CHD1L: variants seen among roughly 807,000 people sequenced by gnomAD.
CHD1L encodes the protein ATP-dependent chromatin remodeler CHD1L.
CHD1L carries 118 observed loss-of-function variants against 115.9 expected under a neutral mutation model. The ratio of observed to expected loss-of-function variants is 1.02; its 90% CI spans 0.88 to 1.19. CHD1L has a LOEUF of 1.19. CHD1L is among the 50% of genes most tolerant of loss of function. CHD1L has a pLI of 0.00. For synonymous variants in CHD1L, 411 were observed against 387.1 expected (o/e 1.06, Z -0.72); for missense variants, 1,179 against 1,065.3 (o/e 1.11, Z -1.49).
chr1:147,294,611 T>G, intron 22 of CHD1L, 94 bp downstream of exon 22: 1 of 905,966 alleles, frequency 1.1e-6, no homozygotes, highest in Non-Finnish European at 1.7e-6. Flanking sequence ...AGACCAAGTT[T>G]CTTCCTGCCA....
chr1:147,188,702 A>G, the CHD1L span, among the ~76,000 whole-genome samples: 3 of 151,488 alleles, frequency 2.0e-5, no homozygotes, highest in African/African-American at 7.3e-5. Flanking sequence ...CGTTGTACAC[A>G]TGTACCCTAG....
intron 20 of CHD1L, among the ~76,000 whole-genome samples, chr1:147,293,284 C>T (rs1686262506): frequency 6.6e-6 from 1 of 150,514 alleles, no homozygotes; most frequent in Non-Finnish European, 1.5e-5. Flanking sequence ...AAGATCTTTT[C>T]CATGCCTACA....
chr1:147,288,336 A>G (rs199802890), intron 19 of CHD1L, among the ~76,000 whole-genome samples: 7 of 1,304 alleles, frequency 5.4e-3, no homozygotes, highest in African/African-American at 7.1e-3. Context: ...AAAAAAAAAA[A>G]AAAAAAAAAA....
At chr1:147,278,222 GTTTTTTTTT>G (rs71083825) in intron 14 of CHD1L, among the ~76,000 whole-genome samples, 14 of 91,130 alleles carry the variant, frequency 1.5e-4, no homozygotes, top group Non-Finnish European at 1.5e-4. Context: ...TGTTTTTTGG[GTTTTTTTTT>G]TTTTTTTTTT....
the CHD1L span, among the ~76,000 whole-genome samples, chr1:147,180,464 G>C: frequency 1.3e-5 from 2 of 152,070 alleles, no homozygotes; most frequent in Non-Finnish European, 2.9e-5. Flanking sequence ...GTCAATCTTT[G>C]TACTTTTTAG....
chr1:147,207,833 C>T, the CHD1L span, among the ~76,000 whole-genome samples: 1 of 152,186 alleles, frequency 6.6e-6, no homozygotes, highest in East Asian at 1.9e-4. Context: ...AGTATGTGTG[C>T]CCCTCCCCTG....
At position 147,267,561 on chromosome 1, in the gene CHD1L, T is replaced by C. The variant is rs587747495; in HGVS notation, c.988+43T>C. 10 of 1,476,708 alleles carry C rather than the reference T, an allele frequency of 6.8e-6. No individual in the cohort carries two copies. The African/African-American group carries it at 1.3e-4, about 19-fold the overall frequency. The allele number at this position is 1,476,708 out of a possible 1,614,324, so 91.5% of individuals were successfully genotyped here. ...CCCCCCACATTATTCTTTGGTAATGTTTCTGTGGCCAAATCATACCAAAAT... is the reference window on the plus strand; with the variant it reads ...CCCCCCACATTATTCTTTGGTAATGCTTCTGTGGCCAAATCATACCAAAAT... On this transcript the variant is annotated intron_variant, in intron 9 of 22. Transcript: ENST00000369258.
the CHD1L span, chr1:147,179,556 C>T: frequency 1.2e-5 from 19 of 1,582,170 alleles, no homozygotes; most frequent in Admixed American, 5.0e-5. Context: ...CTATCTACAA[C>T]GAGAAGCTAC....
chr1:147,276,208 G>A lies in CHD1L; in HGVS notation c.1490G>A (p.Gly497Asp), dbSNP rs149130696. Residue 497 changes from glycine to aspartate, a missense_variant, in exon 14 of 23, where the codon GGC becomes GAC. Physicochemically the swap from Gly to Asp is moderately conservative, Grantham distance 94 (BLOSUM62 -1). Coordinates refer to ENST00000369258, the MANE Select transcript of CHD1L (RefSeq NM_004284.6). ...LQLTNMIIEG[G>D]HFTLGAQKPA... Reference sequence around the variant, plus strand: ...CTCACCAACATGATCATAGAAGGAGGCCATTTTACTCTGGGAGCCCAGAAA... The same window carrying A: ...CTCACCAACATGATCATAGAAGGAGACCATTTTACTCTGGGAGCCCAGAAA... The A allele has an allele frequency of 1.2e-6, 2 of 1,614,002 alleles. No individual in the cohort carries two copies. The highest frequency in any genetic ancestry group is 1.7e-6 in the Non-Finnish European group (2 of 1,179,988).
intron 1 of CHD1L, 121 bp from the exon 2 acceptor site, chr1:147,252,502 G>A (rs587678293): frequency 1.3e-5 from 9 of 678,744 alleles, no homozygotes; most frequent in South Asian, 4.1e-5. Flanking sequence ...CAAAAGATAC[G>A]TCCAGTGAGG....
At chr1:147,272,343 C>A in intron 12 of CHD1L, 62 bp downstream of exon 12, 2 of 1,146,356 alleles carry the variant, frequency 1.7e-6, no homozygotes, top group Admixed American at 3.5e-5. Context: ...CTATTACATC[C>A]CAACGGTTAG....
At chr1:147,207,418 A>G in the CHD1L span, among the ~76,000 whole-genome samples, 82 of 152,340 alleles carry the variant, frequency 5.4e-4, no homozygotes, top group African/African-American at 1.9e-3. Flanking sequence ...GGGAAAATAA[A>G]TTTAAAATCA....
intron 6 of CHD1L, among the ~76,000 whole-genome samples, chr1:147,261,860 C>T (rs367576521): frequency 2.0e-5 from 3 of 151,996 alleles, no homozygotes; most frequent in East Asian, 1.9e-4. Flanking sequence ...GGGATACTGC[C>T]GTTTTTTATT....
At chr1:147,263,009 T>G (rs191446725) in intron 6 of CHD1L, among the ~76,000 whole-genome samples, 2 of 152,254 alleles carry the variant, frequency 1.3e-5, no homozygotes, top group East Asian at 3.9e-4. Flanking sequence ...ATATTAAATA[T>G]CAAAATATTG....
chr1:147,276,107 T>C lies in CHD1L; in HGVS notation c.1389T>C (p.Ser463=), dbSNP rs1182929200. Residue 463 remains serine, a synonymous_variant, in exon 14 of 23, where the codon TCT becomes TCC. Coordinates refer to ENST00000369258, the MANE Select transcript of CHD1L (RefSeq NM_004284.6). The stretch of plus-strand genomic sequence containing the variant: ...CCCTTGTTTGACTTATGTCCAGGTC[T>C]GTTAAAGTTATTCGGCTGATTGGTC... ...ARAHRIGQNK[S]VKVIRLIGRD... 2 of 1,613,996 alleles carry C rather than the reference T, an allele frequency of 1.2e-6. No homozygotes were observed. The highest frequency in any genetic ancestry group is 2.2e-5 in the East Asian group (1 of 44,894).
the CHD1L span, among the ~76,000 whole-genome samples, chr1:147,231,924 C>G: frequency 6.6e-5 from 10 of 152,166 alleles, no homozygotes; most frequent in Non-Finnish European, 1.2e-4. Context: ...GGTCAGTGCA[C>G]TGCACCCACT....
the CHD1L span, among the ~76,000 whole-genome samples, chr1:147,207,204 C>T: frequency 6.6e-6 from 1 of 151,972 alleles, no homozygotes; most frequent in Non-Finnish European, 1.5e-5. Flanking sequence ...TTAATGACTG[C>T]AACGTACTCA....
the CHD1L span, chr1:147,178,257 G>A: frequency 3.1e-6 from 5 of 1,613,688 alleles, no homozygotes; most frequent in Non-Finnish European, 4.2e-6. Flanking sequence ...CGGGCCTCAT[G>A]CTCGTCGAGT....
Position 147,294,398 on chromosome 1 carries a change from CT to C in CHD1L, c.2507-9del. The stretch of plus-strand genomic sequence containing the variant: ...GATGAGTGAAGACATGTGTTCTTCT[CT>C]TCATAATAGCAAGTGTTCATCTTCC... On this transcript the variant is annotated splice_polypyrimidine_tract_variant and intron_variant, in intron 21 of 22. Coordinates refer to ENST00000369258, the MANE Select transcript of CHD1L (RefSeq NM_004284.6). 6.2e-7 allele frequency: 1 copy of C among 1,602,394 alleles called. No individual in the cohort carries two copies. The highest frequency in any genetic ancestry group is 8.5e-7 in the Non-Finnish European group (1 of 1,173,114).
Sources: gnomAD v4.1 joint callset for allele counts (sites outside exome capture counted in the v4.1 genomes callset) on GRCh38, gnomAD v4.1.1 for gene constraint, MANE v1.5 for transcripts, NCBI Gene and HGNC (gene_info 2026-07-23, HGNC 2026-07-21) for gene names.